Variants in SMAD6 observed in about 807,000 individuals in gnomAD.
SMAD6 encodes SMAD family member 6.
A neutral mutation model predicts 39.4 loss-of-function variants in SMAD6; 103 were observed. That is an observed-to-expected ratio of 2.62 (90% CI 2.23 to 3.08). The LOEUF is 3.08. Ranked by LOEUF, SMAD6 falls within the 30% of genes most tolerant of loss-of-function variation. The pLI is 0.00. For missense variants in SMAD6, 1,104 were observed against 742.9 expected, an observed-to-expected ratio of 1.49 and a Z score of -5.65; for synonymous variants, 445 against 353.3, an observed-to-expected ratio of 1.26 and a Z score of -2.91.
At chr15:66,711,580 A>G in intron 1 of SMAD6, 88 bp from the exon 2 acceptor site, 1 of 1,032,434 alleles carries the variant, frequency 9.7e-7, no homozygotes, top group Non-Finnish European at 1.5e-6. Context: ...TGAGTTTATT[A>G]TTTGGGAAAC....
intron 3 of SMAD6, among the ~76,000 whole-genome samples, chr15:66,742,930 C>T (rs2140638510): frequency 6.6e-6 from 1 of 152,320 alleles, no homozygotes; most frequent in East Asian, 1.9e-4. Flanking sequence ...GAGTCCCCCA[C>T]CTGGAGTCCA....
chr15:66,765,995 G>T (rs1281602649), intron 3 of SMAD6, among the ~76,000 whole-genome samples: 1 of 152,208 alleles, frequency 6.6e-6, no homozygotes, highest in Non-Finnish European at 1.5e-5. Context: ...GCCAGACGGA[G>T]CTGAGAGAGA....
rs758201356 is a variant in SMAD6, at chr15:66,781,399, C to G, written c.1355C>G (p.Pro452Arg). 5.0e-6 allele frequency: 8 copies of G among 1,602,634 alleles called. No individual in the cohort carries two copies. Among genetic ancestry groups the G allele is most frequent in the South Asian group, 3.3e-5 (3 of 90,948 alleles). Reference protein sequence around the residue: ...ERSGLQHAPEPDAADGPYDPN... With the variant: ...ERSGLQHAPERDAADGPYDPN... Reference sequence around the variant, plus strand: ...TCGGGCCTGCAGCACGCGCCCGAGCCCGACGCCGCCGACGGCCCCTACGAC... The same window carrying G: ...TCGGGCCTGCAGCACGCGCCCGAGCGCGACGCCGCCGACGGCCCCTACGAC... The change falls in exon 4 of 4, where the codon CCC becomes CGC. Residue 452 changes from proline to arginine, a missense_variant. Coordinates refer to ENST00000288840, the MANE Select transcript of SMAD6 (RefSeq NM_005585.5).
chr15:66,703,670 C>T lies in SMAD6; in HGVS notation c.412C>T (p.Pro138Ser). ...LFSERDAAGA[P>S]RDASDPLAGA... ...TTCGGAGCGGGACGCCGCCGGCGCG[C>T]CCCGGGACGCCAGCGACCCCCTGGC... The change falls in exon 1 of 4, where the codon CCC becomes TCC. Residue 138 changes from proline (P) to serine (S), a missense_variant. By Grantham distance (74) the Pro-to-Ser change is moderately conservative. Transcript: ENST00000288840. 2 of 1,232,268 alleles carry T rather than the reference C, an allele frequency of 1.6e-6. No homozygotes were observed. The highest frequency in any genetic ancestry group is 2.0e-6 in the Non-Finnish European group (2 of 986,932). 76.3% of individuals were successfully genotyped at this position (1,232,268 alleles called of 1,614,324 possible). A position where few individuals can be genotyped will look rare whatever the true frequency, so the allele number is the denominator to read the frequency against.
chr15:66,770,556 C>T (rs1894362766), intron 3 of SMAD6, among the ~76,000 whole-genome samples: 1 of 152,104 alleles, frequency 6.6e-6, no homozygotes, highest in East Asian at 1.9e-4. Context: ...AAGGCTTTCC[C>T]ACCCCAGGTG....
chr15:66,777,052 C>T (rs911221655), intron 3 of SMAD6, among the ~76,000 whole-genome samples: 2 of 152,140 alleles, frequency 1.3e-5, no homozygotes, highest in African/African-American at 4.8e-5. Flanking sequence ...AAAACAAAAA[C>T]GAAGCAGTGG....
At chr15:66,722,106 G>A (rs1893444319) in intron 3 of SMAD6, among the ~76,000 whole-genome samples, 1 of 152,192 alleles carries the variant, frequency 6.6e-6, no homozygotes, top group Non-Finnish European at 1.5e-5. Context: ...CAGGACCTGG[G>A]AAAGATTTTT....
At chr15:66,731,943 CTTT>C (rs71455528) in intron 3 of SMAD6, among the ~76,000 whole-genome samples, 6 of 133,220 alleles carry the variant, frequency 4.5e-5, no homozygotes, top group Admixed American at 7.6e-5. Flanking sequence ...CTCATTGTGA[CTTT>C]TTTTTTTTTT....
intron 3 of SMAD6, among the ~76,000 whole-genome samples, chr15:66,769,937 C>T (rs894913218): frequency 4.6e-5 from 7 of 152,190 alleles, no homozygotes; most frequent in African/African-American, 1.7e-4. Context: ...AAGCGGTTCT[C>T]CTGCCTCAGC....
chr15:66,731,906 A>C (rs1893637309), intron 3 of SMAD6, among the ~76,000 whole-genome samples: 1 of 149,038 alleles, frequency 6.7e-6, no homozygotes, highest in African/African-American at 2.5e-5. Flanking sequence ...TTTTTATTTG[A>C]GTTATTCTAA....
chr15:66,764,457 A>G (rs1008723852), intron 3 of SMAD6, among the ~76,000 whole-genome samples: 3 of 152,160 alleles, frequency 2.0e-5, no homozygotes, highest in African/African-American at 7.2e-5. Context: ...AGAAGCCAAG[A>G]GACAAAAGCG....
chr15:66,771,795 C>T (rs921369158), intron 3 of SMAD6, among the ~76,000 whole-genome samples: 4 of 152,148 alleles, frequency 2.6e-5, no homozygotes, highest in Non-Finnish European at 4.4e-5. Flanking sequence ...CTAGCCGGGG[C>T]TAGCAGCCCT....
At chr15:66,729,220 C>G (rs1246302904) in intron 3 of SMAD6, among the ~76,000 whole-genome samples, 1 of 152,158 alleles carries the variant, frequency 6.6e-6, no homozygotes, top group Non-Finnish European at 1.5e-5. Flanking sequence ...TGAGTCCTGT[C>G]CCCCTGCGTC....
intron 2 of SMAD6, among the ~76,000 whole-genome samples, chr15:66,712,956 A>G (rs1223080661): frequency 2.0e-5 from 3 of 152,086 alleles, no homozygotes; most frequent in Non-Finnish European, 4.4e-5. Flanking sequence ...GCAGTGAGGT[A>G]TGATTGTGCC....
Position 66,703,466 on chromosome 15 carries a change from G to C in SMAD6, c.208G>C (p.Asp70His). Reference protein sequence around the residue: ...VRPVAPRRPRDAVGQRGAQGA... With the variant: ...VRPVAPRRPRHAVGQRGAQGA... ...CCCGGTAGCCCCGCGGCGGCCCCGG[G>C]ACGCAGTGGGACAGCGAGGCGCCCA... Residue 70 changes from aspartate (D) to histidine (H), a missense_variant, in exon 1 of 4, where the codon GAC becomes CAC. Asp to His is a moderately conservative substitution (Grantham distance 81, BLOSUM62 -1). Coordinates refer to ENST00000288840, the MANE Select transcript of SMAD6 (RefSeq NM_005585.5). 1 of 1,249,176 alleles carries C rather than the reference G, an allele frequency of 8.0e-7. No individual in the cohort carries two copies. 77.4% of individuals were successfully genotyped at this position (1,249,176 alleles called of 1,614,324 possible).
chr15:66,774,553 AG>A (rs1894432953), intron 3 of SMAD6, among the ~76,000 whole-genome samples: 1 of 152,220 alleles, frequency 6.6e-6, no homozygotes, highest in South Asian at 2.1e-4. Context: ...TGCCACCGGG[AG>A]GGAACAGGGC....
chr15:66,727,102 CTTT>C (rs35592663), intron 3 of SMAD6, among the ~76,000 whole-genome samples: 7 of 141,272 alleles, frequency 5.0e-5, no homozygotes, highest in Non-Finnish European at 4.6e-5. Flanking sequence ...TCTTCTTCTT[CTTT>C]TTTTTTTTTT....
chr15:66,703,322 C>CG lies in SMAD6; in HGVS notation c.67dup (p.Glu23GlyfsTer22). ...TTGGCGAAGTCGTGTGGTCCCCGAC[C>CG]GGGAGGAAGGCGGCAGCGGCGGCGG... On this transcript the variant is annotated frameshift_variant, in exon 1 of 4. Coordinates refer to ENST00000288840, the MANE Select transcript of SMAD6 (RefSeq NM_005585.5). LOFTEE classifies it high-confidence loss of function. The CG allele has an allele frequency of 6.7e-7, 1 of 1,485,604 alleles. No individual in the cohort carries two copies. Among genetic ancestry groups the CG allele is most frequent in the Middle Eastern group, 2.2e-4 (1 of 4,584 alleles). The allele number at this position is 1,485,604 out of a possible 1,614,324, so 92.0% of individuals were successfully genotyped here.
At chr15:66,735,968 G>T (rs758103487) in intron 3 of SMAD6, among the ~76,000 whole-genome samples, 7 of 152,156 alleles carry the variant, frequency 4.6e-5, no homozygotes, top group African/African-American at 1.7e-4. Flanking sequence ...GGTGTATGGG[G>T]GTTTATTGTT....
Sources: gnomAD v4.1 joint callset for allele counts (sites outside exome capture counted in the v4.1 genomes callset) on GRCh38, gnomAD v4.1.1 for gene constraint, MANE v1.5 for transcripts, NCBI Gene and HGNC (gene_info 2026-07-23, HGNC 2026-07-21) for gene names.